PHACTR1: variants seen among roughly 807,000 people sequenced by gnomAD.
PHACTR1 encodes the protein phosphatase and actin regulator 1, also known as RPEL repeat containing 1.
PHACTR1 carries 16 observed loss-of-function variants against 69.2 expected under a neutral mutation model. That is an observed-to-expected ratio of 0.23 (90% CI 0.16 to 0.35). The LOEUF (loss-of-function observed/expected upper bound fraction) is 0.35, where lower values mean the gene tolerates loss of function less well. Ranked by LOEUF, PHACTR1 falls within the 10% of genes least tolerant of loss-of-function variation. The pLI, the probability that PHACTR1 is intolerant of heterozygous loss-of-function variation, is 1.00. For synonymous variants in PHACTR1, 312 were observed against 284.5 expected (o/e 1.10, Z -0.97); for missense variants, 510 against 734.7 (o/e 0.69, Z 3.54).
At chr6:13,082,475 A>G (rs1179896969) in intron 5 of PHACTR1, among the ~76,000 whole-genome samples, 2 of 152,094 alleles carry the variant, frequency 1.3e-5, no homozygotes, top group Non-Finnish European at 2.9e-5. Context: ...ACAGTTCAGG[A>G]AGAAGAAAAA....
chr6:12,739,303 G>GA (rs1764726713), intron 3 of PHACTR1, among the ~76,000 whole-genome samples: 1 of 151,948 alleles, frequency 6.6e-6, no homozygotes, highest in Admixed American at 6.6e-5. Context: ...AAATAGACAG[G>GA]ATGATAGCCT....
intron 4 of PHACTR1, among the ~76,000 whole-genome samples, chr6:12,934,800 C>T (rs1562027433): frequency 2.6e-5 from 4 of 151,864 alleles, no homozygotes; most frequent in African/African-American, 9.7e-5. Context: ...CATGCCACTA[C>T]ACTCCAGTCT....
At chr6:12,891,226 G>A (rs369565667) in intron 4 of PHACTR1, among the ~76,000 whole-genome samples, 2 of 151,884 alleles carry the variant, frequency 1.3e-5, no homozygotes, top group East Asian at 3.9e-4. Flanking sequence ...TGTAACATTT[G>A]GGTGATCAGT....
chr6:13,195,576 G>A (rs9395527), intron 7 of PHACTR1, among the ~76,000 whole-genome samples: 12,845 of 151,774 alleles, frequency 0.085, 1,304 homozygotes, highest in East Asian at 0.58. Context: ...GGCCAACATG[G>A]TGAAACCCCC....
At chr6:12,820,202 G>C (rs770084347) in intron 4 of PHACTR1, among the ~76,000 whole-genome samples, 1 of 152,124 alleles carries the variant, frequency 6.6e-6, no homozygotes, top group Non-Finnish European at 1.5e-5. Context: ...TGTTTTTTGA[G>C]ATAGAGTCTC....
At chr6:13,181,628 G>T (rs1331834258) in intron 6 of PHACTR1, among the ~76,000 whole-genome samples, 2 of 152,182 alleles carry the variant, frequency 1.3e-5, no homozygotes, top group African/African-American at 4.8e-5. Flanking sequence ...ATCAAAGTCT[G>T]CACTACGTGG....
chr6:12,984,865 C>T (rs770121433), intron 4 of PHACTR1, among the ~76,000 whole-genome samples: 3 of 152,154 alleles, frequency 2.0e-5, no homozygotes, highest in Non-Finnish European at 4.4e-5. Context: ...TCTTAATAAA[C>T]AGGAAGCCCA....
At chr6:13,161,631 G>A (rs193218827) in intron 6 of PHACTR1, among the ~76,000 whole-genome samples, 21 of 152,252 alleles carry the variant, frequency 1.4e-4, no homozygotes, top group Admixed American at 5.2e-4. Flanking sequence ...TACATGCCTC[G>A]TGTGTTCTAC....
intron 10 of PHACTR1, among the ~76,000 whole-genome samples, chr6:13,258,362 GA>G (rs60311779): frequency 0.039 from 5,612 of 144,924 alleles, 340 homozygotes; most frequent in African/African-American, 0.14. Flanking sequence ...CTTAAAAAAA[GA>G]AAAAAAAAAA....
chr6:12,925,330 T>C lies in PHACTR1; in HGVS notation c.251-128035T>C, dbSNP rs115463066. On this transcript the variant is annotated intron_variant, in intron 4 of 14. Coordinates refer to ENST00000332995, the MANE Select transcript of PHACTR1 (RefSeq NM_030948.6). ...CTTTTTCCTCTAGGTTATGAATATATTGGTCATCTAGGTCAGCAAGTCTTA... is the reference window on the plus strand; with the variant it reads ...CTTTTTCCTCTAGGTTATGAATATACTGGTCATCTAGGTCAGCAAGTCTTA... Among the ~76,000 whole-genome samples the C allele has an allele frequency of 5.9e-3, 898 of 152,298 alleles. 14 individuals are homozygous for C. Among genetic ancestry groups the C allele is most frequent in the South Asian group, 0.056 (271 of 4,820 alleles).
intron 10 of PHACTR1, among the ~76,000 whole-genome samples, chr6:13,236,040 A>G (rs1293995520): frequency 6.6e-6 from 1 of 151,796 alleles, no homozygotes; most frequent in Non-Finnish European, 1.5e-5. Flanking sequence ...CCCCTAAAAT[A>G]TCCCTTCACC....
At chr6:12,968,002 C>CAACATGG (rs1391257641) in intron 4 of PHACTR1, among the ~76,000 whole-genome samples, 3 of 152,212 alleles carry the variant, frequency 2.0e-5, no homozygotes, top group Non-Finnish European at 4.4e-5. Flanking sequence ...GCCCTGGATA[C>CAACATGG]CGAGATTTCC....
intron 3 of PHACTR1, among the ~76,000 whole-genome samples, chr6:12,742,910 C>A (rs12202366): frequency 8.5e-5 from 13 of 152,142 alleles, no homozygotes; most frequent in Non-Finnish European, 1.5e-4. Flanking sequence ...GTAAGCTTAT[C>A]TGGCATTCCT....
At chr6:12,880,102 G>A (rs560658830) in intron 4 of PHACTR1, among the ~76,000 whole-genome samples, 11 of 152,232 alleles carry the variant, frequency 7.2e-5, no homozygotes, top group African/African-American at 2.6e-4. Flanking sequence ...ACCCTTTGAG[G>A]TAGGTACTAT....
intron 7 of PHACTR1, among the ~76,000 whole-genome samples, chr6:13,190,966 T>G (rs1763498242): frequency 6.6e-6 from 1 of 152,106 alleles, no homozygotes; most frequent in Non-Finnish European, 1.5e-5. Context: ...TTGACCAATA[T>G]TCCTGGTTAT....
At chr6:13,261,683 A>G (rs1051971329) in intron 10 of PHACTR1, among the ~76,000 whole-genome samples, 2 of 152,328 alleles carry the variant, frequency 1.3e-5, no homozygotes, top group Non-Finnish European at 1.5e-5. Flanking sequence ...TGAATAGGAC[A>G]GGCAATAAAA....
chr6:13,210,505 C>T (rs1766649632), intron 8 of PHACTR1, among the ~76,000 whole-genome samples: 1 of 152,168 alleles, frequency 6.6e-6, no homozygotes, highest in Non-Finnish European at 1.5e-5. Flanking sequence ...CTGGTGGCAT[C>T]ACACACCCCT....
intron 4 of PHACTR1, among the ~76,000 whole-genome samples, chr6:12,851,278 C>A (rs1779799442): frequency 6.6e-6 from 1 of 152,018 alleles, no homozygotes; most frequent in South Asian, 2.1e-4. Flanking sequence ...TAGCCTAGTT[C>A]AAGGGAGGCT....
chr6:12,865,997 G>A (rs1781415786), intron 4 of PHACTR1, among the ~76,000 whole-genome samples: 1 of 152,160 alleles, frequency 6.6e-6, no homozygotes. Context: ...AACAGGAACA[G>A]CTGAGGGAGC....
Sources: allele counts gnomAD v4.1 joint callset (sites outside exome capture counted in the v4.1 genomes callset), GRCh38; gene constraint gnomAD v4.1.1; transcripts MANE v1.5; gene names NCBI Gene and HGNC (gene_info 2026-07-23, HGNC 2026-07-21).